The following MED12L variants were observed in gnomAD, a reference collection of about 807,000 sequenced individuals.
The protein encoded by MED12L is mediator complex subunit 12L, also known as mediator of RNA polymerase II transcription subunit 12-like protein.
MED12L carries 60 observed loss-of-function variants against 281.3 expected under a neutral mutation model. That is an observed-to-expected ratio of 0.21 (90% CI 0.17 to 0.26). MED12L has a LOEUF of 0.26. MED12L is among the 10% of genes least tolerant of loss of function. The pLI, the probability that MED12L is intolerant of heterozygous loss-of-function variation, is 1.00. For synonymous variants in MED12L, 974 were observed against 987.2 expected, an observed-to-expected ratio of 0.99 and a Z score of 0.25; for missense variants, 2,146 against 2,680.9, an observed-to-expected ratio of 0.80 and a Z score of 4.41.
intron 5 of MED12L, among the ~76,000 whole-genome samples, chr3:151,153,378 G>A (rs1718819274): frequency 6.6e-6 from 1 of 152,102 alleles, no homozygotes; most frequent in East Asian, 1.9e-4. Context: ...CTGGCTTCAT[G>A]GACATTAAGT....
At chr3:151,242,545 C>A (rs1734412195) in intron 16 of MED12L, among the ~76,000 whole-genome samples, 2 of 152,210 alleles carry the variant, frequency 1.3e-5, no homozygotes, top group South Asian at 4.1e-4. Context: ...AACAGACCTG[C>A]AGCTGAGGGT....
chr3:151,222,338 A>C (rs1178487014), intron 16 of MED12L, among the ~76,000 whole-genome samples: 1 of 152,316 alleles, frequency 6.6e-6, no homozygotes, highest in East Asian at 1.9e-4. Context: ...TGGTTTTGAA[A>C]TGTGAAGATA....
intron 16 of MED12L, among the ~76,000 whole-genome samples, chr3:151,258,436 C>A (rs916849842): frequency 1.2e-4 from 19 of 152,150 alleles, no homozygotes; most frequent in African/African-American, 4.3e-4. Context: ...AAGACTGATT[C>A]ATGAAATGCT....
In MED12L at chr3:151,413,303, G is replaced by T; in HGVS notation, c.6297+8G>T. On this transcript the variant is annotated splice_region_variant and intron_variant, in intron 42 of 44. Transcript: ENST00000687756. ...CAGCAGAGACTCCTCCAGGTACGGG[G>T]CAGGGAGATGAGGGCAATGCCATCA... is the stretch of plus-strand genomic sequence containing the variant. 1.2e-6 allele frequency: 2 copies of T among 1,613,154 alleles called. No homozygotes were observed. The highest frequency in any genetic ancestry group is 2.2e-5 in the East Asian group (1 of 44,844).
rs768554792 is a variant in MED12L, at chr3:151,294,270, A to G, written c.2251-55789A>G. On this transcript the variant is annotated intron_variant, in intron 16 of 44. Coordinates refer to ENST00000687756, the MANE Select transcript of MED12L (RefSeq NM_001393769.1). ...CTGGTTCTGATATTTGATTTTTTGA[A>G]CAGCCTTCTTGAAAATGACCTACAC... 3 of 1,613,944 alleles carry G rather than the reference A, an allele frequency of 1.9e-6. No homozygotes were observed. In the South Asian group the frequency reaches 3.3e-5, roughly 18 times the overall value.
chr3:151,387,073 T>TA (rs749756285), intron 36 of MED12L, among the ~76,000 whole-genome samples: 2 of 152,200 alleles, frequency 1.3e-5, no homozygotes, highest in Non-Finnish European at 2.9e-5. Flanking sequence ...CAGTAACACT[T>TA]ACATCTTAGG....
chr3:151,354,689 G>C (rs1299773321), intron 17 of MED12L, among the ~76,000 whole-genome samples: 1 of 152,154 alleles, frequency 6.6e-6, no homozygotes, highest in African/African-American at 2.4e-5. Flanking sequence ...GTAAATGGTG[G>C]TACAGTAACA....
intron 16 of MED12L, among the ~76,000 whole-genome samples, chr3:151,272,331 A>G (rs1019855672): frequency 3.3e-5 from 5 of 152,350 alleles, no homozygotes; most frequent in African/African-American, 1.2e-4. Flanking sequence ...GTTTTTGGAC[A>G]AATAAACATA....
chr3:151,387,839 G>T lies in MED12L; in HGVS notation c.5118G>T (p.Val1706=). ...TCCAGGTCTCTACGAAGCAGAAGGT[G>T]TCCCCGTGGGACTTGTTTGAGGGTC... is the stretch of plus-strand genomic sequence containing the variant. ...QGLQVSTKQK[V]SPWDLFEGQK... The change falls in exon 37 of 45, where the codon GTG becomes GTT. Residue 1706 remains valine (V), a synonymous_variant. Coordinates refer to ENST00000687756, the MANE Select transcript of MED12L (RefSeq NM_001393769.1). 5 of 1,613,802 alleles carry T rather than the reference G, an allele frequency of 3.1e-6. No homozygotes were observed. The highest frequency in any genetic ancestry group is 4.2e-6 in the Non-Finnish European group (5 of 1,179,808).
In MED12L at chr3:151,355,125, G is replaced by A; in HGVS notation, c.2403G>A (p.Gly801=). The change falls in exon 18 of 45, where the codon GGG becomes GGA. Residue 801 remains glycine, a synonymous_variant. Coordinates refer to ENST00000687756, the MANE Select transcript of MED12L (RefSeq NM_001393769.1). ...ATCTGCTTTATGTTTATGTAGTTGGGGACGAAGGACAAAAAGCCAGGAAGA... is the reference window on the plus strand; with the variant it reads ...ATCTGCTTTATGTTTATGTAGTTGGAGACGAAGGACAAAAAGCCAGGAAGA... ...NKKSTTETGV[G]DEGQKARKNK... is the part of the protein sequence containing the mutation. The A allele has an allele frequency of 6.2e-7, 1 of 1,611,820 alleles. No homozygotes were observed. Among genetic ancestry groups the A allele is most frequent in the Non-Finnish European group, 8.5e-7 (1 of 1,178,160 alleles).
intron 16 of MED12L, among the ~76,000 whole-genome samples, chr3:151,344,439 G>A (rs1044761108): frequency 6.6e-6 from 1 of 152,028 alleles, no homozygotes; most frequent in African/African-American, 2.4e-5. Flanking sequence ...AAACAAAATA[G>A]CATGGTATAT....
intron 16 of MED12L, chr3:151,214,165 G>A: frequency 6.2e-7 from 1 of 1,614,090 alleles, no homozygotes; most frequent in Non-Finnish European, 8.5e-7. Context: ...CTTAGAGCTG[G>A]GCACGTAAAA....
At chr3:151,429,905 C>A (rs1165187135) in intron 43 of MED12L, among the ~76,000 whole-genome samples, 2 of 152,188 alleles carry the variant, frequency 1.3e-5, no homozygotes, top group African/African-American at 4.8e-5. Context: ...AAGGCACAAC[C>A]TGTAGTCCTT....
At chr3:151,128,712 CTCTT>C (rs760500741) in intron 5 of MED12L, among the ~76,000 whole-genome samples, 2 of 152,238 alleles carry the variant, frequency 1.3e-5, no homozygotes, top group Non-Finnish European at 1.5e-5. Context: ...TGCATTCCCT[CTCTT>C]TCTCTCTTCT....
At chr3:151,269,397 T>TCTCA (rs925857835) in intron 16 of MED12L, 1 of 144,510 alleles carries the variant, frequency 6.9e-6, no homozygotes, top group African/African-American at 2.9e-5. Context: ...TGAAACTCCA[T>TCTCA]CACACACACA....
At chr3:151,355,836 T>G in intron 18 of MED12L, 60 bp from the exon 19 acceptor site, 1 of 1,437,854 alleles carries the variant, frequency 7.0e-7, no homozygotes, top group Admixed American at 2.1e-5. Flanking sequence ...AAATGATTTA[T>G]CTTAGTAAAA....
rs113184555 is a variant in MED12L, at chr3:151,365,786, T to C, written c.3186-64T>C. Reference sequence around the variant, plus strand: ...TAGTGAAATATATGTTAATTAAGTATATCACAGGTGAGTATTTCTCTTTTG... The same window carrying C: ...TAGTGAAATATATGTTAATTAAGTACATCACAGGTGAGTATTTCTCTTTTG... On this transcript the variant is annotated intron_variant, in intron 22 of 44. Coordinates refer to ENST00000687756, the MANE Select transcript of MED12L (RefSeq NM_001393769.1). The C allele has an allele frequency of 4.5e-5, 62 of 1,366,916 alleles. No homozygotes were observed. In the Admixed American group the frequency reaches 1.4e-3, roughly 30 times the overall value. 84.7% of individuals were successfully genotyped at this position (1,366,916 alleles called of 1,614,324 possible). A position where few individuals can be genotyped will look rare whatever the true frequency, so the allele number is the denominator to read the frequency against.
intron 16 of MED12L, among the ~76,000 whole-genome samples, chr3:151,257,923 T>TC (rs1310499763): frequency 1.3e-5 from 2 of 152,214 alleles, no homozygotes; most frequent in Non-Finnish European, 2.9e-5. Context: ...GCTGCTTCCT[T>TC]CCCCACCTTC....
chr3:151,236,155 G>GC (rs1370424622), intron 16 of MED12L, among the ~76,000 whole-genome samples: 7 of 152,120 alleles, frequency 4.6e-5, no homozygotes, highest in Admixed American at 3.9e-4. Context: ...AATAGAGCTT[G>GC]CTCTACAGTT....
Sources: allele counts gnomAD v4.1 joint callset (sites outside exome capture counted in the v4.1 genomes callset), GRCh38; gene constraint gnomAD v4.1.1; transcripts MANE v1.5; gene names NCBI Gene and HGNC (gene_info 2026-07-23, HGNC 2026-07-21).